MIGA1: variants seen among roughly 807,000 people sequenced by gnomAD.
MIGA1 encodes mitoguardin 1.
A neutral mutation model predicts 82.0 loss-of-function variants in MIGA1; 58 were observed. The ratio of observed to expected loss-of-function variants is 0.71; its 90% CI spans 0.57 to 0.88. The LOEUF is 0.88. Among genes scored for constraint, MIGA1 ranks in the 40% least tolerant of loss-of-function variants. MIGA1 has a pLI of 0.00. For synonymous variants in MIGA1, 249 were observed against 253.6 expected (o/e 0.98, Z 0.17); for missense variants, 751 against 749.1 (o/e 1.00, Z -0.03).
At chr1:77,865,304 C>T (rs896315815) in intron 13 of MIGA1, among the ~76,000 whole-genome samples, 4 of 151,962 alleles carry the variant, frequency 2.6e-5, no homozygotes, top group African/African-American at 9.7e-5. Flanking sequence ...AAAAAAATTA[C>T]TTTAGGCCAG....
At chr1:77,792,426 G>C (rs1242302727) in intron 2 of MIGA1, among the ~76,000 whole-genome samples, 1 of 152,206 alleles carries the variant, frequency 6.6e-6, no homozygotes, top group Non-Finnish European at 1.5e-5. Flanking sequence ...AGTTAGGTAA[G>C]TGTGCATGGT....
chr1:77,874,606 T>C (rs1646879348), intron 15 of MIGA1, among the ~76,000 whole-genome samples: 1 of 152,082 alleles, frequency 6.6e-6, no homozygotes, highest in African/African-American at 2.4e-5. Context: ...GATCATCATG[T>C]CATCCCTGAG....
intron 4 of MIGA1, among the ~76,000 whole-genome samples, chr1:77,805,222 C>T (rs1456329903): frequency 6.6e-6 from 1 of 151,660 alleles, no homozygotes; most frequent in Non-Finnish European, 1.5e-5. Context: ...GTCTTGATCT[C>T]CCGACCTCGT....
At chr1:77,791,091 T>C (rs1382406812) in intron 2 of MIGA1, among the ~76,000 whole-genome samples, 1 of 151,862 alleles carries the variant, frequency 6.6e-6, no homozygotes, top group Non-Finnish European at 1.5e-5. Context: ...AAAATAAAAA[T>C]AAATATAAGC....
chr1:77,873,120 G>A lies in MIGA1; in HGVS notation c.1680G>A (p.Lys560=). 1 of 1,610,984 alleles carries A rather than the reference G, an allele frequency of 6.2e-7. No individual in the cohort carries two copies. The change falls in exon 15 of 16, where the codon AAG becomes AAA. Residue 560 remains lysine (K), a splice_region_variant and synonymous_variant. Coordinates refer to ENST00000370791, the MANE Select transcript of MIGA1 (RefSeq NM_198549.4). ...TGTATGATTTATGTTGCTTTTTTAAGGTATGTTCAGTCATTGAATCATTTC... is the reference window on the plus strand; with the variant it reads ...TGTATGATTTATGTTGCTTTTTTAAAGTATGTTCAGTCATTGAATCATTTC...
intron 8 of MIGA1, among the ~76,000 whole-genome samples, chr1:77,851,834 T>C (rs79187964): frequency 0.047 from 7,160 of 151,952 alleles, 228 homozygotes; most frequent in East Asian, 0.11. Context: ...TAGAAATTAT[T>C]TCATGTAGAG....
In MIGA1 at chr1:77,860,098, T is replaced by C; in HGVS notation, c.1247T>C (p.Leu416Ser). ...CTCGCTGAGAGCGGAAGGAAAATTT[T>C]ATCAGCTTTAATTGTGAAAGCACGA... is the stretch of plus-strand genomic sequence containing the variant. Residue 416 changes from leucine (L) to serine (S), a missense_variant, in exon 11 of 16, where the codon TTA (leucine) becomes TCA (serine). This residue lies in a region of MIGA1 where 265 missense variants were observed against 293.6 expected (regional missense o/e 0.90). Coordinates refer to ENST00000370791, the MANE Select transcript of MIGA1 (RefSeq NM_198549.4). 6.2e-7 allele frequency: 1 copy of C among 1,611,676 alleles called. No homozygotes were observed. Among genetic ancestry groups the C allele is most frequent in the Non-Finnish European group, 8.5e-7 (1 of 1,178,728 alleles).
intron 2 of MIGA1, among the ~76,000 whole-genome samples, chr1:77,784,723 T>C (rs1682070638): frequency 1.3e-5 from 2 of 152,210 alleles, no homozygotes; most frequent in African/African-American, 4.8e-5. Context: ...TTCATGCTGC[T>C]GATAAAGATA....
chr1:77,796,350 C>A (rs1352244440), intron 2 of MIGA1, among the ~76,000 whole-genome samples: 1 of 151,916 alleles, frequency 6.6e-6, no homozygotes, highest in Non-Finnish European at 1.5e-5. Context: ...GATCTCCTGA[C>A]CTCGTGATCC....
chr1:77,863,928 A>G lies in MIGA1; in HGVS notation c.1409A>G (p.Asp470Gly). 1 of 1,585,438 alleles carries G rather than the reference A, an allele frequency of 6.3e-7. No individual in the cohort carries two copies. Among genetic ancestry groups the G allele is most frequent in the Non-Finnish European group, 8.6e-7 (1 of 1,166,278 alleles). The change falls in exon 13 of 16, where the codon GAT becomes GGT. Residue 470 changes from aspartate to glycine, a missense_variant. By Grantham distance (94) the Asp-to-Gly change is moderately conservative. This residue lies in a region of MIGA1 where 265 missense variants were observed against 293.6 expected (regional missense o/e 0.90). Coordinates refer to ENST00000370791, the MANE Select transcript of MIGA1 (RefSeq NM_198549.4). The stretch of plus-strand genomic sequence containing the variant: ...CTAAATTTTTATGATGTTGTTCTGG[A>G]TTTTATATTAATGGACTCCTTTGAA...
chr1:77,838,201 T>C (rs983186896), intron 7 of MIGA1, among the ~76,000 whole-genome samples: 1 of 152,226 alleles, frequency 6.6e-6, no homozygotes, highest in Non-Finnish European at 1.5e-5. Context: ...CACATTCTTA[T>C]GTAACTATCA....
At chr1:77,820,468 C>T (rs78548334) in intron 7 of MIGA1, among the ~76,000 whole-genome samples, 1 of 152,124 alleles carries the variant, frequency 6.6e-6, no homozygotes, top group Non-Finnish European at 1.5e-5. Flanking sequence ...GAAAAATTAA[C>T]ATATAGAGTA....
chr1:77,783,909 C>G (rs932673705), intron 2 of MIGA1, among the ~76,000 whole-genome samples: 3 of 152,176 alleles, frequency 2.0e-5, no homozygotes, highest in Non-Finnish European at 4.4e-5. Flanking sequence ...AAGTAGAACC[C>G]TACAGAATTT....
At chr1:77,807,903 C>T (rs1021425067) in intron 5 of MIGA1, among the ~76,000 whole-genome samples, 2 of 152,094 alleles carry the variant, frequency 1.3e-5, no homozygotes, top group African/African-American at 4.8e-5. Context: ...ACCGCAACCT[C>T]CACCTCCCGG....
intron 8 of MIGA1, among the ~76,000 whole-genome samples, 177 bp downstream of exon 8, chr1:77,843,584 C>T (rs1684707316): frequency 6.6e-6 from 1 of 152,196 alleles, no homozygotes; most frequent in Admixed American, 6.5e-5. Flanking sequence ...CAGGAGCTTA[C>T]ACTCTCTTTA....
intron 7 of MIGA1, among the ~76,000 whole-genome samples, chr1:77,837,963 A>G (rs1684491962): frequency 6.6e-6 from 1 of 152,240 alleles, no homozygotes; most frequent in Non-Finnish European, 1.5e-5. Flanking sequence ...CAATCAGGTT[A>G]TAAAATTCGT....
intron 7 of MIGA1, among the ~76,000 whole-genome samples, chr1:77,838,875 A>T (rs547938496): frequency 1.1e-3 from 162 of 152,358 alleles, no homozygotes; most frequent in African/African-American, 3.7e-3. Context: ...TTCTTCACTC[A>T]GCATATTGTT....
rs1681808925 is a variant in MIGA1 at position 77,779,678 on chromosome 1, C to T, written c.23C>T (p.Pro8Leu). ...TCCATGTCAGACTGCTGCTCAGCGC[C>T]AGGCATCAGCTGGGAAGCTGGCGTG... The change falls in exon 1 of 16, where the codon CCA becomes CTA. Residue 8 changes from proline to leucine, a missense_variant. Pro to Leu is a moderately conservative substitution (Grantham distance 98). Transcript: ENST00000370791. 2 of 1,588,416 alleles carry T rather than the reference C, an allele frequency of 1.3e-6. No homozygotes were observed. The highest frequency in any genetic ancestry group is 1.8e-5 in the Admixed American group (1 of 56,332).
intron 7 of MIGA1, among the ~76,000 whole-genome samples, chr1:77,826,719 T>C (rs1372658360): frequency 6.6e-6 from 1 of 150,442 alleles, no homozygotes; most frequent in Non-Finnish European, 1.5e-5. Context: ...AGGCAGTCCT[T>C]CTTCCTTGGC....
Sources: allele counts gnomAD v4.1 joint callset (sites outside exome capture counted in the v4.1 genomes callset), GRCh38; gene constraint gnomAD v4.1.1; regional missense constraint gnomAD v4.1.1; transcripts MANE v1.5; gene names NCBI Gene and HGNC (gene_info 2026-07-23, HGNC 2026-07-21).